ANO6: variants seen among roughly 807,000 people sequenced by gnomAD.
ANO6 encodes the protein anoctamin 6, also known as anoctamin-6.
ANO6 carries 106 observed loss-of-function variants against 117.5 expected under a neutral mutation model. The observed-to-expected ratio is 0.90, with a 90% CI of 0.77 to 1.06. The LOEUF (loss-of-function observed/expected upper bound fraction) is 1.06. Ranked by LOEUF, ANO6 falls within the 50% of genes least tolerant of loss-of-function variation. The pLI is 0.00. For missense variants in ANO6, 955 were observed against 1,121.1 expected (o/e 0.85, Z 2.12); for synonymous variants, 367 against 385.1 (o/e 0.95, Z 0.55).
intron 8 of ANO6, among the ~76,000 whole-genome samples, chr12:45,364,808 T>A (rs1396030107): frequency 6.6e-6 from 1 of 152,248 alleles, no homozygotes; most frequent in Non-Finnish European, 1.5e-5. Flanking sequence ...TGCTTTTTCC[T>A]CTCTGTGTTA....
At chr12:45,387,273 T>A (rs1942323976) in intron 10 of ANO6, among the ~76,000 whole-genome samples, 1 of 152,218 alleles carries the variant, frequency 6.6e-6, no homozygotes, top group Non-Finnish European at 1.5e-5. Flanking sequence ...TTAAAAATTC[T>A]GAAAAATGAT....
intron 1 of ANO6, 75 bp downstream of exon 1, chr12:45,216,466 G>A: frequency 3.9e-6 from 6 of 1,519,744 alleles, no homozygotes; most frequent in Non-Finnish European, 5.4e-6. Context: ...CTGCGCGGGG[G>A]CGCTGTGCTC....
chr12:45,359,627 C>CATTCAT, intron 8 of ANO6, among the ~76,000 whole-genome samples: 1 of 118,970 alleles, frequency 8.4e-6, no homozygotes, highest in East Asian at 2.5e-4. Context: ...ATCAGTACTT[C>CATTCAT]ATTCATTTTT....
At chr12:45,274,463 C>G (rs1565658509) in intron 1 of ANO6, among the ~76,000 whole-genome samples, 1 of 152,134 alleles carries the variant, frequency 6.6e-6, no homozygotes, top group Non-Finnish European at 1.5e-5. Flanking sequence ...CTCGTATTCT[C>G]AAATTCAAGC....
chr12:45,307,349 A>G (rs1198690582), intron 2 of ANO6, among the ~76,000 whole-genome samples: 1 of 152,138 alleles, frequency 6.6e-6, no homozygotes, highest in Non-Finnish European at 1.5e-5. Flanking sequence ...GACATACTCA[A>G]ATTCTGAATA....
intron 1 of ANO6, among the ~76,000 whole-genome samples, chr12:45,225,677 G>T (rs1266052017): frequency 6.6e-6 from 1 of 152,166 alleles, no homozygotes; most frequent in Non-Finnish European, 1.5e-5. Context: ...TTTTAGTAGA[G>T]ACGGGGTTTC....
At chr12:45,323,103 C>A (rs927372451) in intron 2 of ANO6, among the ~76,000 whole-genome samples, 1 of 152,130 alleles carries the variant, frequency 6.6e-6, no homozygotes, top group Non-Finnish European at 1.5e-5. Context: ...CTTCTTGACA[C>A]CAGATGTCTT....
chr12:45,394,245 C>T (rs186885382), intron 12 of ANO6, among the ~76,000 whole-genome samples: 17 of 152,120 alleles, frequency 1.1e-4, no homozygotes, highest in Non-Finnish European at 1.0e-4. Context: ...AAAAGAGAGA[C>T]AAAATAGGCC....
At chr12:45,390,275 C>T (rs1325432896) in intron 11 of ANO6, 146 bp from the exon 12 acceptor site, 3 of 714,516 alleles carry the variant, frequency 4.2e-6, no homozygotes, top group Non-Finnish European at 7.3e-6. Flanking sequence ...AAATTGTTAA[C>T]AAAAAAGTGC....
intron 1 of ANO6, among the ~76,000 whole-genome samples, chr12:45,296,887 C>T (rs746222914): frequency 1.9e-4 from 29 of 152,140 alleles, no homozygotes; most frequent in East Asian, 3.8e-4. Flanking sequence ...TTTCTGATTA[C>T]GTGACTTCAT....
At chr12:45,298,928 A>G (rs1425074819) in intron 1 of ANO6, among the ~76,000 whole-genome samples, 1 of 152,120 alleles carries the variant, frequency 6.6e-6, no homozygotes, top group Non-Finnish European at 1.5e-5. Context: ...GTATCTAATC[A>G]TCTAGGAATC....
intron 3 of ANO6, among the ~76,000 whole-genome samples, chr12:45,340,859 C>G (rs555378754): frequency 6.6e-6 from 1 of 152,242 alleles, no homozygotes; most frequent in South Asian, 2.1e-4. Flanking sequence ...CTTAAGTAAG[C>G]AGTCCTTTCC....
chr12:45,332,314 A>T lies in ANO6; in HGVS notation c.279+891A>T, dbSNP rs909632950. On this transcript the variant is annotated intron_variant, in intron 3 of 19. Coordinates refer to ENST00000320560, the MANE Select transcript of ANO6 (RefSeq NM_001025356.3). Reference sequence around the variant, plus strand: ...TCTGTTCTCTCTCTCTCTCTCTCACACACACACACACACACACAAAACTTT... The same window carrying T: ...TCTGTTCTCTCTCTCTCTCTCTCACTCACACACACACACACACAAAACTTT... Among the ~76,000 whole-genome samples the T allele has an allele frequency of 1.1e-4, 16 of 149,436 alleles. No individual in the cohort carries two copies. In the East Asian group the frequency reaches 1.8e-3, roughly 17 times the overall value.
intron 10 of ANO6, 58 bp downstream of exon 10, chr12:45,378,171 T>C: frequency 6.5e-7 from 1 of 1,531,300 alleles, no homozygotes; most frequent in East Asian, 2.3e-5. Context: ...CAGTTTTATG[T>C]AGGCTATCAA....
intron 1 of ANO6, among the ~76,000 whole-genome samples, chr12:45,292,414 G>A (rs1405043897): frequency 6.6e-6 from 1 of 152,180 alleles, no homozygotes; most frequent in South Asian, 2.1e-4. Context: ...CATTGTGAAT[G>A]TAATTATTGC....
chr12:45,247,701 C>T (rs1947846596), intron 1 of ANO6, among the ~76,000 whole-genome samples: 1 of 152,180 alleles, frequency 6.6e-6, no homozygotes, highest in South Asian at 2.1e-4. Context: ...CACTGTGTCT[C>T]TCTGTTTCCA....
intron 1 of ANO6, among the ~76,000 whole-genome samples, chr12:45,299,761 A>T (rs142236656): frequency 2.0e-5 from 3 of 152,232 alleles, no homozygotes; most frequent in African/African-American, 7.2e-5. Flanking sequence ...CTGAGGCAGG[A>T]GAATTGCTTG....
chr12:45,221,765 A>G (rs1340893595), intron 1 of ANO6, among the ~76,000 whole-genome samples: 1 of 152,050 alleles, frequency 6.6e-6, no homozygotes, highest in Non-Finnish European at 1.5e-5. Context: ...GTTTCCGGCA[A>G]GCAGAGAGGA....
intron 9 of ANO6, among the ~76,000 whole-genome samples, chr12:45,368,281 A>G (rs113082321): frequency 0.032 from 4,849 of 152,258 alleles, 125 homozygotes; most frequent in Admixed American, 0.072. Context: ...TCAGTACTCA[A>G]AAAGCTTTGG....
Sources: gnomAD v4.1 joint callset for allele counts (sites outside exome capture counted in the v4.1 genomes callset) on GRCh38, gnomAD v4.1.1 for gene constraint, MANE v1.5 for transcripts, NCBI Gene and HGNC (gene_info 2026-07-23, HGNC 2026-07-21) for gene names.